GDAP1: variants seen among roughly 807,000 people sequenced by gnomAD.
GDAP1 encodes the protein ganglioside-induced differentiation-associated protein 1.
Under a neutral mutation model 40.1 loss-of-function variants are expected in GDAP1, and 34 were observed. That is an observed-to-expected ratio of 0.85 (90% CI 0.64 to 1.13). The LOEUF (loss-of-function observed/expected upper bound fraction) is 1.13, where lower values mean the gene tolerates loss of function less well. GDAP1 is among the 50% of genes most tolerant of loss of function. The pLI is 0.00. For missense variants in GDAP1, 374 were observed against 433.7 expected, an observed-to-expected ratio of 0.86 and a Z score of 1.22; for synonymous variants, 170 against 157.4, an observed-to-expected ratio of 1.08 and a Z score of -0.60.
intron 2 of GDAP1, among the ~76,000 whole-genome samples, chr8:74,372,600 A>G (rs1809773867): frequency 6.6e-6 from 1 of 152,194 alleles, no homozygotes; most frequent in South Asian, 2.1e-4. Flanking sequence ...TCCTTCGCCC[A>G]CTTTTTGATG....
At chr8:74,421,322 C>CT (rs561425361) in intron 2 of GDAP1, among the ~76,000 whole-genome samples, 19 of 148,790 alleles carry the variant, frequency 1.3e-4, no homozygotes, top group Admixed American at 5.4e-4. Context: ...TTTGTAGGTT[C>CT]TTTTTTTTTT....
chr8:74,372,131 A>C (rs370637512), intron 2 of GDAP1, among the ~76,000 whole-genome samples: 1 of 152,064 alleles, frequency 6.6e-6, no homozygotes, highest in South Asian at 2.1e-4. Context: ...GTATTCCATG[A>C]TGTATATATG....
chr8:74,421,560 G>A (rs765451138), intron 2 of GDAP1, among the ~76,000 whole-genome samples: 1 of 152,124 alleles, frequency 6.6e-6, no homozygotes, highest in Non-Finnish European at 1.5e-5. Flanking sequence ...GGGAGTGAGT[G>A]GGTGAAAGTG....
In GDAP1 at chr8:74,361,845, G is replaced by A; in HGVS notation, c.485-39G>A. The A allele has an allele frequency of 2.6e-6, 3 of 1,152,676 alleles. 1 individual carries two copies. The South Asian group carries it at 3.6e-5, about 14-fold the overall frequency. 71.4% of individuals were successfully genotyped at this position (1,152,676 alleles called of 1,614,324 possible). A position where few individuals can be genotyped will look rare whatever the true frequency, so the allele number is the denominator to read the frequency against. On this transcript the variant is annotated intron_variant, in intron 3 of 5. Transcript: ENST00000220822. ...CTCCTTGTTACTGGTGTAGAAGGGA[G>A]AAAATAATTTTCTGTTTCCAAAATG...
At chr8:74,396,954 C>T (rs376334290) in intron 2 of GDAP1, among the ~76,000 whole-genome samples, 10 of 152,218 alleles carry the variant, frequency 6.6e-5, no homozygotes, top group African/African-American at 1.7e-4. Context: ...ATGGTTGAAC[C>T]AGTTTACAGT....
At chr8:74,487,751 T>G (rs1489203653) in intron 2 of GDAP1, among the ~76,000 whole-genome samples, 1 of 152,152 alleles carries the variant, frequency 6.6e-6, no homozygotes, top group Non-Finnish European at 1.5e-5. Flanking sequence ...TATATTTGCC[T>G]CTTTAACTTA....
At chr8:74,436,673 C>T (rs1806092700) in intron 2 of GDAP1, among the ~76,000 whole-genome samples, 1 of 151,942 alleles carries the variant, frequency 6.6e-6, no homozygotes, top group Non-Finnish European at 1.5e-5. Context: ...CTCCCTGCCT[C>T]AGCCTCCCAA....
At position 74,364,049 on chromosome 8, in the gene GDAP1, C is replaced by T; in HGVS notation, c.759C>T (p.Val253=). 2 of 1,613,846 alleles carry T rather than the reference C, an allele frequency of 1.2e-6. No homozygotes were observed. Among genetic ancestry groups the T allele is most frequent in the Non-Finnish European group, 1.7e-6 (2 of 1,179,750 alleles). Residue 253 remains valine, a synonymous_variant, in exon 6 of 6, where the codon GTC becomes GTT. Transcript: ENST00000220822. ...CCCTGGCAGACGTCTCACTCGCTGT[C>T]ACATTGCATCGACTGAAGTTCCTGG... ...SFTLADVSLA[V]TLHRLKFLGF... is the part of the protein sequence containing the mutation.
chr8:74,478,359 C>T (rs1806662193), intron 2 of GDAP1, among the ~76,000 whole-genome samples: 1 of 152,054 alleles, frequency 6.6e-6, no homozygotes, highest in Non-Finnish European at 1.5e-5. Context: ...GGCAAAGTGG[C>T]AGGTGGGAGG....
chr8:74,364,493 C>A lies in GDAP1; in HGVS notation c.*126C>A. On this transcript the variant is annotated 3_prime_UTR_variant, in exon 6 of 6. Transcript: ENST00000220822. ...TTTTTTCCTAAAATTCAGAAGTCATCTTTGTTACACAACACAGGGGTTCAG... is the reference window on the plus strand; with the variant it reads ...TTTTTTCCTAAAATTCAGAAGTCATATTTGTTACACAACACAGGGGTTCAG... 1.0e-6 allele frequency: 1 copy of A among 971,234 alleles called. No individual in the cohort carries two copies. Among genetic ancestry groups the A allele is most frequent in the Non-Finnish European group, 1.6e-6 (1 of 615,462 alleles). 60.2% of individuals were successfully genotyped at this position (971,234 alleles called of 1,614,324 possible). A position where few individuals can be genotyped will look rare whatever the true frequency, so the allele number is the denominator to read the frequency against.
At chr8:74,370,288 T>TA (rs1457825635), downstream of GDAP1, among the ~76,000 whole-genome samples, 2 of 152,158 alleles carry the variant, frequency 1.3e-5, no homozygotes, top group Non-Finnish European at 2.9e-5. Context: ...TATGTGGAAG[T>TA]AAATATATGA....
At chr8:74,409,453 G>A (rs1805680998) in intron 2 of GDAP1, among the ~76,000 whole-genome samples, 1 of 149,738 alleles carries the variant, frequency 6.7e-6, no homozygotes, top group Admixed American at 6.6e-5. Context: ...CCAGGCTCAA[G>A]CGATTCTCCT....
At chr8:74,395,739 C>CCTGTAT (rs1455606745) in intron 2 of GDAP1, among the ~76,000 whole-genome samples, 1 of 152,140 alleles carries the variant, frequency 6.6e-6, no homozygotes, top group East Asian at 1.9e-4. Context: ...TATTAAAACA[C>CCTGTAT]CTGTATCTGT....
intron 2 of GDAP1, among the ~76,000 whole-genome samples, chr8:74,401,051 G>T (rs954950011): frequency 7.0e-6 from 1 of 143,296 alleles, no homozygotes; most frequent in East Asian, 2.0e-4. Flanking sequence ...TCTTCTCGAG[G>T]AGTATCTTTG....
At chr8:74,440,637 C>T (rs545009554) in intron 2 of GDAP1, among the ~76,000 whole-genome samples, 2 of 150,392 alleles carry the variant, frequency 1.3e-5, no homozygotes, top group African/African-American at 4.9e-5. Flanking sequence ...TTAGGGTTTG[C>T]ATGTAAAACT....
chr8:74,443,625 A>C (rs1156778685), intron 2 of GDAP1, among the ~76,000 whole-genome samples: 1 of 152,170 alleles, frequency 6.6e-6, no homozygotes, highest in Non-Finnish European at 1.5e-5. Context: ...ACTTAGCGAG[A>C]CTTCCTCTCT....
chr8:74,439,454 C>T (rs1806133850), intron 2 of GDAP1, among the ~76,000 whole-genome samples: 1 of 151,832 alleles, frequency 6.6e-6, no homozygotes, highest in South Asian at 2.1e-4. Context: ...CTACTCTGTT[C>T]CATTAGTTCA....
chr8:74,455,421 A>G (rs1806324526), intron 2 of GDAP1, among the ~76,000 whole-genome samples: 1 of 151,978 alleles, frequency 6.6e-6, no homozygotes, highest in Non-Finnish European at 1.5e-5. Flanking sequence ...TATTTGTGCC[A>G]TCAATGGTAA....
intron 2 of GDAP1, among the ~76,000 whole-genome samples, chr8:74,427,940 A>G (rs981351530): frequency 1.2e-4 from 18 of 152,232 alleles, no homozygotes; most frequent in Non-Finnish European, 1.3e-4. Context: ...TAAAAGCTCT[A>G]TCCTTGACAA....
Sources: allele counts gnomAD v4.1 joint callset (sites outside exome capture counted in the v4.1 genomes callset), GRCh38; gene constraint gnomAD v4.1.1; transcripts MANE v1.5; gene names NCBI Gene and HGNC (gene_info 2026-07-23, HGNC 2026-07-21).